The following PRLHR variants were observed in gnomAD, a reference collection of about 807,000 sequenced individuals.
PRLHR encodes the protein prolactin-releasing peptide receptor.
A neutral mutation model predicts 9.3 loss-of-function variants in PRLHR; 10 were observed. That is an observed-to-expected ratio of 1.08 (90% CI 0.66 to 1.82). The LOEUF is 1.82. Ranked by LOEUF, PRLHR falls within the 40% of genes most tolerant of loss-of-function variation. PRLHR has a pLI of 0.00. For synonymous variants in PRLHR, 261 were observed against 249.3 expected (o/e 1.05, Z -0.44); for missense variants, 589 against 512.0 (o/e 1.15, Z -1.45).
In PRLHR at chr10:118,593,693, G is replaced by A. The variant is rs1844452349; in HGVS notation, c.*439C>T. Reference sequence around the variant, plus strand: ...AAGCAATATCATGGTACTCTCAGCTGGGTCCTTTTTCTAAAGGCAAACTGA... The same window carrying A: ...AAGCAATATCATGGTACTCTCAGCTAGGTCCTTTTTCTAAAGGCAAACTGA... On this transcript the variant is annotated 3_prime_UTR_variant, in exon 2 of 2. Coordinates refer to ENST00000239032, the MANE Select transcript of PRLHR (RefSeq NM_004248.3). The A allele has an allele frequency of 6.5e-6, 1 of 153,474 alleles. No homozygotes were observed. The highest frequency in any genetic ancestry group is 2.4e-5 in the African/African-American group (1 of 41,492). 9.5% of individuals were successfully genotyped at this position (153,474 alleles called of 1,614,324 possible). A position where few individuals can be genotyped will look rare whatever the true frequency, so the allele number is the denominator to read the frequency against.
At position 118,592,167 on chromosome 10, in the gene PRLHR, C is replaced by T. The variant is rs1844438012; in HGVS notation, c.*1965G>A. On this transcript the variant is annotated 3_prime_UTR_variant, in exon 2 of 2. Transcript: ENST00000239032. ...AAAGTTCCCCAGGTGATTCTAGGAG[C>T]AGCCAGGGTTGAGAACCAGTGATTC... 2.0e-5 allele frequency: 3 copies of T among 151,952 alleles called. No homozygotes were observed. The highest frequency in any genetic ancestry group is 1.3e-4 in the Admixed American group (2 of 15,278). 9.4% of individuals were successfully genotyped at this position (151,952 alleles called of 1,614,324 possible). A position where few individuals can be genotyped will look rare whatever the true frequency, so the allele number is the denominator to read the frequency against.
In PRLHR at chr10:118,594,924, C is replaced by A. The variant is rs750291423; in HGVS notation, c.321G>T (p.Val107=). The stretch of plus-strand genomic sequence containing the variant: ...GCGGCACGCAGGCGGTGCACATGAG[C>A]ACGTCGGACAAGGCCAGGTTGCCGA... ...FLIGNLALSD[V]LMCTACVPLT... Residue 107 remains valine (V), a synonymous_variant, in exon 2 of 2, where the codon GTG becomes GTT. Transcript: ENST00000239032. 1 of 1,613,614 alleles carries A rather than the reference C, an allele frequency of 6.2e-7. No individual in the cohort carries two copies. Among genetic ancestry groups the A allele is most frequent in the East Asian group, 2.2e-5 (1 of 44,864 alleles).
In PRLHR at chr10:118,592,092, C is replaced by T. The variant is rs1469313636; in HGVS notation, c.*2040G>A. On this transcript the variant is annotated 3_prime_UTR_variant, in exon 2 of 2. Transcript: ENST00000239032. The stretch of plus-strand genomic sequence containing the variant: ...CTAGTGTCCAGGCACCATCTCAAAT[C>T]AACTAGACTCTTGGGAGGAGAGCCC... 6.6e-6 allele frequency: 1 copy of T among 151,288 alleles called. No individual in the cohort carries two copies. The highest frequency in any genetic ancestry group is 2.4e-5 in the African/African-American group (1 of 41,106). The allele number at this position is 151,288 out of a possible 1,614,324, so 9.4% of individuals were successfully genotyped here. A position where few individuals can be genotyped will look rare whatever the true frequency, so the allele number is the denominator to read the frequency against.
chr10:118,595,093 T>A lies in PRLHR; in HGVS notation c.152A>T (p.Gln51Leu). ...GADAPAVTPF[Q>L]SLQLVHQLKG... Reference sequence around the variant, plus strand: ...CAGCTGATGCACCAGCTGCAGGCTCTGGAAGGGCGTGACGGCTGGAGCGTC... The same window carrying A: ...CAGCTGATGCACCAGCTGCAGGCTCAGGAAGGGCGTGACGGCTGGAGCGTC... The change falls in exon 2 of 2, where the codon CAG becomes CTG. Residue 51 changes from glutamine to leucine, a missense_variant. Transcript: ENST00000239032. 1 of 1,605,410 alleles carries A rather than the reference T, an allele frequency of 6.2e-7. No individual in the cohort carries two copies. The highest frequency in any genetic ancestry group is 1.1e-5 in the South Asian group (1 of 90,824).
rs747151680 is a variant in PRLHR at position 118,594,501 on chromosome 10, C to T, written c.744G>A (p.Val248=). 6.3e-7 allele frequency: 1 copy of T among 1,594,974 alleles called. No individual in the cohort carries two copies. The highest frequency in any genetic ancestry group is 8.5e-7 in the Non-Finnish European group (1 of 1,173,158). ...CCACGCGGTTGCGGAGCTTCACTGACACCCGGACGTAAGACAGGAGGATGA... is the reference window on the plus strand; with the variant it reads ...CCACGCGGTTGCGGAGCTTCACTGATACCCGGACGTAAGACAGGAGGATGA... ...LLVILLSYVR[V]SVKLRNRVVP... The change falls in exon 2 of 2, where the codon GTG becomes GTA. Residue 248 remains valine (V), a synonymous_variant. Coordinates refer to ENST00000239032, the MANE Select transcript of PRLHR (RefSeq NM_004248.3).
At position 118,594,776 on chromosome 10, in the gene PRLHR, C is replaced by T; in HGVS notation, c.469G>A (p.Val157Met). 6.2e-7 allele frequency: 1 copy of T among 1,611,468 alleles called. No homozygotes were observed. Among genetic ancestry groups the T allele is most frequent in the East Asian group, 2.2e-5 (1 of 44,854 alleles). The change falls in exon 2 of 2, where the codon GTG becomes ATG. Residue 157 changes from valine (V) to methionine (M), a missense_variant. Coordinates refer to ENST00000239032, the MANE Select transcript of PRLHR (RefSeq NM_004248.3). The part of the protein sequence containing the change: ...VSVFTLTTIA[V>M]DRYVVLVHPL... ...TGCACCAGCACGACGTAGCGGTCCA[C>T]TGCGATGGTGGTGAGCGTGAACACC... is the stretch of plus-strand genomic sequence containing the variant.
chr10:118,592,136 G>A lies in PRLHR; in HGVS notation c.*1996C>T, dbSNP rs1711868. ...AGAGCCCAGACATCAATTACAAAAA[G>A]AAAAAAAAGTTCCCCAGGTGATTCT... On this transcript the variant is annotated 3_prime_UTR_variant, in exon 2 of 2. Coordinates refer to ENST00000239032, the MANE Select transcript of PRLHR (RefSeq NM_004248.3). 142,577 of 149,272 alleles carry A rather than the reference G, an allele frequency of 0.96. 68,247 individuals are homozygous for A. Among genetic ancestry groups the A allele is most frequent in the East Asian group, 1 (5,105 of 5,112 alleles). The allele number at this position is 149,272 out of a possible 1,614,324, so 9.2% of individuals were successfully genotyped here.
In PRLHR at chr10:118,594,929, C is replaced by T; in HGVS notation, c.316G>A (p.Asp106Asn). 13 of 1,613,630 alleles carry T rather than the reference C, an allele frequency of 8.1e-6. No homozygotes were observed. The highest frequency in any genetic ancestry group is 1.1e-5 in the Non-Finnish European group (13 of 1,179,914). ...NFLIGNLALSDVLMCTACVPL... is the reference protein window; with the variant it reads ...NFLIGNLALSNVLMCTACVPL... The stretch of plus-strand genomic sequence containing the variant: ...ACGCAGGCGGTGCACATGAGCACGT[C>T]GGACAAGGCCAGGTTGCCGATGAGG... Residue 106 changes from aspartate (D) to asparagine (N), a missense_variant, in exon 2 of 2, where the codon GAC becomes AAC. Asp to Asn is a conservative substitution (Grantham distance 23, BLOSUM62 1). Transcript: ENST00000239032.
chr10:118,594,465 G>C lies in PRLHR; in HGVS notation c.780C>G (p.Cys260Trp). The change falls in exon 2 of 2, where the codon TGC becomes TGG. Residue 260 changes from cysteine (C) to tryptophan (W), a missense_variant. Transcript: ENST00000239032. ...CCCAGTCGGCCTGGCTCTGGGTCAC[G>C]CAGCCCGGCACCACGCGGTTGCGGA... ...VKLRNRVVPG[C>W]VTQSQADWDR... The C allele has an allele frequency of 6.2e-7, 1 of 1,602,134 alleles. No homozygotes were observed. Among genetic ancestry groups the C allele is most frequent in the Non-Finnish European group, 8.5e-7 (1 of 1,178,744 alleles).
In PRLHR at chr10:118,594,147, G is replaced by A. The variant is rs182563197; in HGVS notation, c.1098C>T (p.Val366=). Residue 366 remains valine, a synonymous_variant, in exon 2 of 2, where the codon GTC becomes GTT. Transcript: ENST00000239032. The part of the protein sequence containing the change: ...KIAPHGQNMT[V]SVVI ...CTAAGTGGCATCAGATGACCACGCT[G>A]ACGGTCATATTCTGGCCATGGGGGG... 1.8e-5 allele frequency: 27 copies of A among 1,525,084 alleles called. No homozygotes were observed. The highest frequency in any genetic ancestry group is 2.1e-5 in the Non-Finnish European group (24 of 1,134,508). The allele number at this position is 1,525,084 out of a possible 1,614,324, so 94.5% of individuals were successfully genotyped here. A position where few individuals can be genotyped will look rare whatever the true frequency, so the allele number is the denominator to read the frequency against.
chr10:118,594,783 G>C lies in PRLHR; in HGVS notation c.462C>G (p.Thr154=), dbSNP rs1434316398. The change falls in exon 2 of 2, where the codon ACC becomes ACG. Residue 154 remains threonine (T), a synonymous_variant. Coordinates refer to ENST00000239032, the MANE Select transcript of PRLHR (RefSeq NM_004248.3). The stretch of plus-strand genomic sequence containing the variant: ...GCACGACGTAGCGGTCCACTGCGAT[G>C]GTGGTGAGCGTGAACACCGACACAT... ...TVYVSVFTLT[T]IAVDRYVVLV... 6.2e-7 allele frequency: 1 copy of C among 1,611,828 alleles called. No individual in the cohort carries two copies. The highest frequency in any genetic ancestry group is 8.5e-7 in the Non-Finnish European group (1 of 1,179,842).
chr10:118,594,413 A>T lies in PRLHR; in HGVS notation c.832T>A (p.Cys278Ser). 1 of 1,600,434 alleles carries T rather than the reference A, an allele frequency of 6.2e-7. No homozygotes were observed. Among genetic ancestry groups the T allele is most frequent in the South Asian group, 1.1e-5 (1 of 91,016 alleles). The change falls in exon 2 of 2, where the codon TGC becomes AGC. Residue 278 changes from cysteine to serine, a missense_variant. Transcript: ENST00000239032. The stretch of plus-strand genomic sequence containing the variant: ...ACCACCACGATCACCACCAGCAAGC[A>T]GAAGGTGCGCCGGCGCCGAGCGCGG... ...WDRARRRRTF[C>S]LLVVIVVVFA...
rs1844423312 is a variant in PRLHR, at chr10:118,590,531, A to T, written c.*3601T>A. The T allele has an allele frequency of 6.6e-6, 1 of 152,224 alleles. No homozygotes were observed. The highest frequency in any genetic ancestry group is 6.5e-5 in the Admixed American group (1 of 15,290). 9.4% of individuals were successfully genotyped at this position (152,224 alleles called of 1,614,324 possible). A position where few individuals can be genotyped will look rare whatever the true frequency, so the allele number is the denominator to read the frequency against. ...TGGCTGCCAAAAGTGTGACCTGGTGACAAAGCTTGCAAAGAGGATTACAGA... is the reference window on the plus strand; with the variant it reads ...TGGCTGCCAAAAGTGTGACCTGGTGTCAAAGCTTGCAAAGAGGATTACAGA... On this transcript the variant is annotated 3_prime_UTR_variant, in exon 2 of 2. Coordinates refer to ENST00000239032, the MANE Select transcript of PRLHR (RefSeq NM_004248.3).
In PRLHR at chr10:118,595,130, C is replaced by G. The variant is rs1041441981; in HGVS notation, c.115G>C (p.Val39Leu). Residue 39 changes from valine (V) to leucine (L), a missense_variant, in exon 2 of 2, where the codon GTG becomes CTG. Val to Leu is a conservative substitution (Grantham distance 32). Transcript: ENST00000239032. ...SAEASAGNGS[V>L]AGADAPAVTP... is the part of the protein sequence containing the mutation. ...ACGGCTGGAGCGTCCGCGCCAGCCACCGACCCGTTGCCCGCCGAGGCCTCT... is the reference window on the plus strand; with the variant it reads ...ACGGCTGGAGCGTCCGCGCCAGCCAGCGACCCGTTGCCCGCCGAGGCCTCT... 2 of 1,600,006 alleles carry G rather than the reference C, an allele frequency of 1.3e-6. No homozygotes were observed. Among genetic ancestry groups the G allele is most frequent in the Non-Finnish European group, 1.7e-6 (2 of 1,175,836 alleles).
At position 118,591,090 on chromosome 10, in the gene PRLHR, G is replaced by T. The variant is rs1844428298; in HGVS notation, c.*3042C>A. The T allele has an allele frequency of 6.7e-6, 1 of 149,364 alleles. No homozygotes were observed. Among genetic ancestry groups the T allele is most frequent in the Non-Finnish European group, 1.5e-5 (1 of 67,532 alleles). The allele number at this position is 149,364 out of a possible 1,614,324, so 9.3% of individuals were successfully genotyped here. A position where few individuals can be genotyped will look rare whatever the true frequency, so the allele number is the denominator to read the frequency against. The stretch of plus-strand genomic sequence containing the variant: ...ATGGTATGTAAATTTGTTTTTTGTT[G>T]TTTTTTGTTGTTTTTGTTTTTTTTG... On this transcript the variant is annotated 3_prime_UTR_variant, in exon 2 of 2. Coordinates refer to ENST00000239032, the MANE Select transcript of PRLHR (RefSeq NM_004248.3).
rs773131528 is a variant in PRLHR, at chr10:118,594,556, A to T, written c.689T>A (p.Leu230Gln). Residue 230 changes from leucine to glutamine, a missense_variant, in exon 2 of 2, where the codon CTG becomes CAG. Physicochemically the swap from Leu to Gln is moderately radical, Grantham distance 113 (BLOSUM62 -2). Coordinates refer to ENST00000239032, the MANE Select transcript of PRLHR (RefSeq NM_004248.3). Reference protein sequence around the residue: ...RQRQLYAWGLLLVTYLLPLLV... With the variant: ...RQRQLYAWGLQLVTYLLPLLV... ...CAGAGGGAGCAGGTAGGTGACCAGC[A>T]GCAGCCCCCAGGCGTAGAGCTGGCG... is the stretch of plus-strand genomic sequence containing the variant. The T allele has an allele frequency of 1.3e-6, 2 of 1,562,916 alleles. No homozygotes were observed. Among genetic ancestry groups the T allele is most frequent in the Admixed American group, 3.8e-5 (2 of 53,130 alleles).
In PRLHR at chr10:118,594,180, G is replaced by A. The variant is rs763387466; in HGVS notation, c.1065C>T (p.Arg355=). ...ELRKLLVAWP[R]KIAPHGQNMT... ...TATTCTGGCCATGGGGGGCTATCTT[G>A]CGGGGCCAAGCGACCAACAGTTTGC... The change falls in exon 2 of 2, where the codon CGC becomes CGT. Residue 355 remains arginine, a synonymous_variant. Coordinates refer to ENST00000239032, the MANE Select transcript of PRLHR (RefSeq NM_004248.3). 6.4e-7 allele frequency: 1 copy of A among 1,557,142 alleles called. No homozygotes were observed. Among genetic ancestry groups the A allele is most frequent in the Non-Finnish European group, 8.7e-7 (1 of 1,150,568 alleles).
In PRLHR at chr10:118,594,597, G is replaced by T. The variant is rs8192521; in HGVS notation, c.648C>A (p.Gly216=). ...HDVRLCEEFW[G]SQERQRQLYA... ...AGAGCTGGCGCTGGCGCTCCTGGGA[G>T]CCCCAGAACTCCTCGCAGAGGCGCA... Residue 216 remains glycine, a synonymous_variant, in exon 2 of 2, where the codon GGC becomes GGA. Coordinates refer to ENST00000239032, the MANE Select transcript of PRLHR (RefSeq NM_004248.3). 11,595 of 1,565,322 alleles carry T rather than the reference G, an allele frequency of 7.4e-3. 51 individuals carry two copies. Among genetic ancestry groups the T allele is most frequent in the Non-Finnish European group, 9.1e-3 (10,565 of 1,155,680 alleles).
At position 118,591,272 on chromosome 10, in the gene PRLHR, T is replaced by G. The variant is rs546497526; in HGVS notation, c.*2860A>C. The G allele has an allele frequency of 6.6e-6, 1 of 152,268 alleles. No homozygotes were observed. Among genetic ancestry groups the G allele is most frequent in the African/African-American group, 2.4e-5 (1 of 41,554 alleles). The allele number at this position is 152,268 out of a possible 1,614,324, so 9.4% of individuals were successfully genotyped here. On this transcript the variant is annotated 3_prime_UTR_variant, in exon 2 of 2. Coordinates refer to ENST00000239032, the MANE Select transcript of PRLHR (RefSeq NM_004248.3). ...ACAGGTGTGCACCACCACGTCCGGC[T>G]ATTTTTTGTAGAGATGGAGTTTTGC...
Sources: allele counts gnomAD v4.1 joint callset, GRCh38; gene constraint gnomAD v4.1.1; transcripts MANE v1.5; gene names NCBI Gene and HGNC (gene_info 2026-07-23, HGNC 2026-07-21).